Variants in OR52N4 observed in about 807,000 individuals in gnomAD.
OR52N4 encodes olfactory receptor 52N4.
A neutral mutation model predicts 15.0 loss-of-function variants in OR52N4; 15 were observed. The observed-to-expected ratio is 1.00, with a 90% CI of 0.67 to 1.54. OR52N4 has a LOEUF of 1.54. Ranked by LOEUF, OR52N4 falls within the 40% of genes most tolerant of loss-of-function variation. The pLI is 0.00. For missense variants in OR52N4, 421 were observed against 394.0 expected (o/e 1.07, Z -0.58); for synonymous variants, 143 against 143.7 (o/e 1.00, Z 0.03).
the OR52N4 span, chr11:5,736,046 T>C: frequency 6.1e-6 from 1 of 164,258 alleles, no homozygotes. Flanking sequence ...GTCTTCATTA[T>C]ATGACTTCTC....
the OR52N4 span, among the ~76,000 whole-genome samples, chr11:5,734,588 TCAAA>T: frequency 6.6e-6 from 1 of 152,102 alleles, no homozygotes; most frequent in Admixed American, 6.6e-5. Context: ...TTCTGTGAGC[TCAAA>T]CATACTACTT....
chr11:5,751,907 A>G (rs575129359), upstream of OR52N4, among the ~76,000 whole-genome samples: 2 of 152,284 alleles, frequency 1.3e-5, no homozygotes, highest in African/African-American at 4.8e-5. Context: ...AATAATTTAA[A>G]GGATGGGTCG....
chr11:5,740,390 A>G, the OR52N4 span, among the ~76,000 whole-genome samples: 2 of 128,126 alleles, frequency 1.6e-5, 1 homozygote, highest in African/African-American at 5.6e-5. Flanking sequence ...TAGAGTAATA[A>G]TGACAAAATG....
At chr11:5,742,656 G>A in the OR52N4 span, among the ~76,000 whole-genome samples, 1 of 152,072 alleles carries the variant, frequency 6.6e-6, no homozygotes, top group Non-Finnish European at 1.5e-5. Context: ...GTAAATGAAG[G>A]AGAAATAAGT....
the OR52N4 span, among the ~76,000 whole-genome samples, chr11:5,731,927 AAT>A: frequency 6.6e-6 from 1 of 152,142 alleles, no homozygotes; most frequent in Non-Finnish European, 1.5e-5. Context: ...TTAATTGACT[AAT>A]ATATATAAGG....
upstream of OR52N4, among the ~76,000 whole-genome samples, chr11:5,751,570 A>G (rs1854191432): frequency 6.6e-6 from 1 of 152,096 alleles, no homozygotes; most frequent in African/African-American, 2.4e-5. Flanking sequence ...GTTTGCACCA[A>G]TCTAATAATA....
At chr11:5,727,016 C>G in the OR52N4 span, 1 of 146,188 alleles carries the variant, frequency 6.8e-6, no homozygotes, top group African/African-American at 2.6e-5. Flanking sequence ...GAACTTCTGC[C>G]AAAGCCATGT....
upstream of OR52N4, among the ~76,000 whole-genome samples, chr11:5,750,895 A>T (rs1025086327): frequency 2.6e-5 from 4 of 152,046 alleles, no homozygotes; most frequent in African/African-American, 9.6e-5. Context: ...TTAAAAATTT[A>T]AAAATGAGTT....
At chr11:5,726,900 G>A in the OR52N4 span, 12 of 157,822 alleles carry the variant, frequency 7.6e-5, no homozygotes, top group Middle Eastern at 1.7e-3. Flanking sequence ...CACCCACTCC[G>A]CTATGCCACA....
the OR52N4 span, among the ~76,000 whole-genome samples, chr11:5,729,670 T>G: frequency 6.6e-6 from 1 of 152,230 alleles, no homozygotes; most frequent in Non-Finnish European, 1.5e-5. Flanking sequence ...ATCTCAATGC[T>G]AGATGTCTAT....
chr11:5,736,441 A>C, the OR52N4 span: 1 of 1,282,128 alleles, frequency 7.8e-7, no homozygotes, highest in Non-Finnish European at 1.1e-6. Context: ...AAATACTACA[A>C]TTTTATTTCT....
chr11:5,750,686 AT>A (rs1554948410), upstream of OR52N4, among the ~76,000 whole-genome samples: 1 of 47,844 alleles, frequency 2.1e-5, no homozygotes, highest in Non-Finnish European at 6.3e-5. Context: ...GAAAAATATA[AT>A]AGTGACTACA....
At chr11:5,749,646 A>G (rs1006769423), upstream of OR52N4, among the ~76,000 whole-genome samples, 2 of 151,906 alleles carry the variant, frequency 1.3e-5, no homozygotes, top group African/African-American at 4.8e-5. Context: ...TCCTGGAAAG[A>G]CTGAGATAGG....
At chr11:5,736,531 T>G in the OR52N4 span, 1 of 1,613,674 alleles carries the variant, frequency 6.2e-7, no homozygotes, top group Non-Finnish European at 8.5e-7. Context: ...ATCATATGTC[T>G]GCATCTCTCA....
the OR52N4 span, among the ~76,000 whole-genome samples, chr11:5,730,438 G>A: frequency 3.3e-5 from 5 of 151,658 alleles, no homozygotes; most frequent in African/African-American, 7.3e-5. Context: ...TGATCCGCCC[G>A]CCTCAGCCTC....
chr11:5,744,396 C>T, the OR52N4 span, among the ~76,000 whole-genome samples: 1 of 152,026 alleles, frequency 6.6e-6, no homozygotes, highest in African/African-American at 2.4e-5. Context: ...CGGGTAAGGA[C>T]GCAACAAAAA....
upstream of OR52N4, among the ~76,000 whole-genome samples, chr11:5,750,859 A>C (rs570612113): frequency 6.6e-6 from 1 of 152,152 alleles, no homozygotes; most frequent in South Asian, 2.1e-4. Flanking sequence ...TAAAATTTCA[A>C]TTTTTGAACC....
the OR52N4 span, among the ~76,000 whole-genome samples, chr11:5,728,049 G>C: frequency 6.6e-6 from 1 of 152,192 alleles, no homozygotes. Context: ...GGACTTCTAT[G>C]AATGAGGGCA....
chr11:5,734,427 A>G, the OR52N4 span, among the ~76,000 whole-genome samples: 1 of 152,136 alleles, frequency 6.6e-6, no homozygotes, highest in Non-Finnish European at 1.5e-5. Flanking sequence ...ATTAAGGCTC[A>G]CATGGTGCAC....
Sources: gnomAD v4.1 joint callset for allele counts (sites outside exome capture counted in the v4.1 genomes callset) on GRCh38, gnomAD v4.1.1 for gene constraint, MANE v1.5 for transcripts, NCBI Gene and HGNC (gene_info 2026-07-23, HGNC 2026-07-21) for gene names.